Variants in GRM3 observed in about 807,000 individuals in gnomAD.
The protein encoded by GRM3 is metabotropic glutamate receptor 3.
In GRM3, 26 loss-of-function variants were observed where a neutral mutation model predicts 70.5. The ratio of observed to expected loss-of-function variants is 0.37; its 90% confidence interval spans 0.27 to 0.51. GRM3 has a LOEUF of 0.51. GRM3 is among the 20% of genes least tolerant of loss of function. The probability of loss-of-function intolerance (pLI) is 0.93; values close to 1 mark genes in which losing one functional copy is unlikely to be tolerated. For missense variants in GRM3, 859 were observed against 1,123.8 expected (o/e 0.76, Z 3.37); for synonymous variants, 443 against 434.9 (o/e 1.02, Z -0.23).
chr7:86,859,104 T>G (rs1390571605), intron 5 of GRM3, among the ~76,000 whole-genome samples: 1 of 152,112 alleles, frequency 6.6e-6, no homozygotes, highest in Non-Finnish European at 1.5e-5. Context: ...ACCTCAGCAC[T>G]TGAGGCACAT....
chr7:86,664,823 C>T (rs145685729), intron 1 of GRM3, among the ~76,000 whole-genome samples: 52 of 152,104 alleles, frequency 3.4e-4, no homozygotes, highest in African/African-American at 1.1e-3. Flanking sequence ...AACCCAAAGT[C>T]ACACATACCA....
intron 1 of GRM3, among the ~76,000 whole-genome samples, chr7:86,723,161 TTCCCTTATTC>T: frequency 6.6e-6 from 1 of 152,224 alleles, no homozygotes; most frequent in South Asian, 2.1e-4. Context: ...AGGTATTTCA[TTCCCTTATTC>T]TCCATATGGG....
At chr7:86,759,783 T>C (rs1224595224) in intron 1 of GRM3, among the ~76,000 whole-genome samples, 1 of 152,100 alleles carries the variant, frequency 6.6e-6, no homozygotes, top group Non-Finnish European at 1.5e-5. Context: ...TAAAAATGAT[T>C]GGGTTTGAAA....
chr7:86,786,963 A>G lies in GRM3; in HGVS notation c.1171A>G (p.Met391Val). ...SSNYEQESKIMFVVNAVYAMA... is the reference protein window; with the variant it reads ...SSNYEQESKIVFVVNAVYAMA... Reference sequence around the variant, plus strand: ...CAACTACGAGCAAGAGTCCAAGATCATGTTTGTGGTGAACGCGGTGTATGC... The same window carrying G: ...CAACTACGAGCAAGAGTCCAAGATCGTGTTTGTGGTGAACGCGGTGTATGC... Residue 391 changes from methionine (M) to valine (V), a missense_variant, in exon 3 of 6, where the codon ATG (methionine) becomes GTG (valine). Met to Val is a conservative substitution (Grantham distance 21). Transcript: ENST00000361669. This position sits in a 1 kb window ranked among gnomAD's most constrained non-coding sequence, Gnocchi z 6.0. The G allele has an allele frequency of 6.2e-7, 1 of 1,613,968 alleles. No homozygotes were observed. The highest frequency in any genetic ancestry group is 1.1e-5 in the South Asian group (1 of 91,084).
intron 1 of GRM3, among the ~76,000 whole-genome samples, chr7:86,694,521 AAAAAAAAG>A (rs1345736318): frequency 4.8e-5 from 7 of 146,244 alleles, no homozygotes; most frequent in African/African-American, 1.8e-4. Context: ...CAAAAAAAAA[AAAAAAAAG>A]AAAAGAAAGA....
chr7:86,674,383 C>T (rs1794250106), intron 1 of GRM3, among the ~76,000 whole-genome samples: 1 of 152,094 alleles, frequency 6.6e-6, no homozygotes, highest in South Asian at 2.1e-4. Context: ...GAAGAAGCCA[C>T]ATGACTTCTG....
chr7:86,838,834 C>T lies in GRM3; in HGVS notation c.1325-5C>T, dbSNP rs1562879008. 1 of 1,562,858 alleles carries T rather than the reference C, an allele frequency of 6.4e-7. No individual in the cohort carries two copies. The highest frequency in any genetic ancestry group is 2.2e-5 in the East Asian group (1 of 44,574). ...CTTTTTTTTCTTTCACTTTACATAT[C>T]ACAGCTCCATTCAACCCAAATAAAG... is the stretch of plus-strand genomic sequence containing the variant. On this transcript the variant is annotated splice_region_variant and splice_polypyrimidine_tract_variant and intron_variant, in intron 3 of 5. Transcript: ENST00000361669.
chr7:86,786,908 C>G lies in GRM3; in HGVS notation c.1116C>G (p.Val372=), dbSNP rs145933148. 1.9e-5 allele frequency: 31 copies of G among 1,614,022 alleles called. No individual in the cohort carries two copies. The African/African-American group carries it at 3.9e-4, about 20-fold the overall frequency. ...SLQNKRNHRR[V]CDKHLAIDSS... ...AGAACAAACGCAACCACAGGCGCGTCTGCGACAAGCACCTGGCCATCGACA... is the reference window on the plus strand; with the variant it reads ...AGAACAAACGCAACCACAGGCGCGTGTGCGACAAGCACCTGGCCATCGACA... Residue 372 remains valine (V), a synonymous_variant, in exon 3 of 6, where the codon GTC becomes GTG. Transcript: ENST00000361669. The surrounding 1 kb of genome is among the most constrained non-coding windows in gnomAD (Gnocchi z 6.0).
intron 1 of GRM3, among the ~76,000 whole-genome samples, chr7:86,645,650 C>G (rs894653489): frequency 6.6e-6 from 1 of 152,082 alleles, no homozygotes; most frequent in Non-Finnish European, 1.5e-5. Flanking sequence ...GGACAATTCT[C>G]TAAGGTACAA....
At chr7:86,720,076 A>G (rs1212852334) in intron 1 of GRM3, among the ~76,000 whole-genome samples, 2 of 152,118 alleles carry the variant, frequency 1.3e-5, no homozygotes, top group Non-Finnish European at 2.9e-5. Context: ...GAAAGAGATC[A>G]GTTATCACAG....
intron 5 of GRM3, among the ~76,000 whole-genome samples, chr7:86,862,781 T>TC (rs1438358552): frequency 6.6e-6 from 1 of 152,118 alleles, no homozygotes; most frequent in Non-Finnish European, 1.5e-5. Context: ...TAGTGAATGC[T>TC]CCCCCACTGA....
intron 3 of GRM3, among the ~76,000 whole-genome samples, chr7:86,824,094 TCTGTCAG>T (rs752338931): frequency 2.0e-5 from 3 of 152,152 alleles, no homozygotes; most frequent in Non-Finnish European, 2.9e-5. Flanking sequence ...AGCTAGTTCC[TCTGTCAG>T]TCAGCCAGTG....
At chr7:86,746,200 C>T (rs1433348565) in intron 1 of GRM3, among the ~76,000 whole-genome samples, 3 of 150,852 alleles carry the variant, frequency 2.0e-5, no homozygotes, top group South Asian at 2.1e-4. Context: ...TTTGTGAGTA[C>T]TTTGTTGATG....
At chr7:86,859,334 C>A (rs1367837037) in intron 5 of GRM3, among the ~76,000 whole-genome samples, 3 of 152,130 alleles carry the variant, frequency 2.0e-5, no homozygotes, top group Non-Finnish European at 4.4e-5. Context: ...AATACCAAAC[C>A]AATGGGTAGT....
intron 1 of GRM3, among the ~76,000 whole-genome samples, chr7:86,646,034 G>T (rs1465544634): frequency 1.4e-5 from 2 of 138,114 alleles, no homozygotes; most frequent in African/African-American, 2.7e-5. Flanking sequence ...AGTTTAGGGG[G>T]TGGAGTCTGC....
At chr7:86,812,141 T>G (rs1405939202) in intron 3 of GRM3, among the ~76,000 whole-genome samples, 1 of 151,872 alleles carries the variant, frequency 6.6e-6, no homozygotes, top group African/African-American at 2.4e-5. Flanking sequence ...TTATGAAAAT[T>G]ATGTACCCCA....
intron 3 of GRM3, among the ~76,000 whole-genome samples, chr7:86,794,234 C>T (rs1316161219): frequency 4.6e-5 from 7 of 152,110 alleles, no homozygotes; most frequent in African/African-American, 1.7e-4. Flanking sequence ...GTTTTTTCCA[C>T]TTCTGTATAC....
chr7:86,646,908 G>A (rs1037313388), intron 1 of GRM3, among the ~76,000 whole-genome samples: 1 of 152,146 alleles, frequency 6.6e-6, no homozygotes, highest in Non-Finnish European at 1.5e-5. Context: ...TGGTATACAT[G>A]TGAAAAGGAG....
chr7:86,684,191 T>C (rs573044289), intron 1 of GRM3, among the ~76,000 whole-genome samples: 3 of 152,112 alleles, frequency 2.0e-5, no homozygotes, highest in Non-Finnish European at 4.4e-5. Flanking sequence ...TGGAGTCATT[T>C]AGTTTTCGGC....
Sources: allele counts gnomAD v4.1 joint callset (sites outside exome capture counted in the v4.1 genomes callset), GRCh38; gene constraint gnomAD v4.1.1; non-coding constraint Gnocchi (gnomAD v3.1); transcripts MANE v1.5; gene names NCBI Gene and HGNC (gene_info 2026-07-23, HGNC 2026-07-21).